Variants in FNDC1 observed in about 807,000 individuals in gnomAD.
The protein encoded by FNDC1 is fibronectin type III domain containing 1.
FNDC1 carries 96 observed loss-of-function variants against 168.0 expected under a neutral mutation model. The ratio of observed to expected loss-of-function variants is 0.57; its 90% CI spans 0.48 to 0.68. The LOEUF (loss-of-function observed/expected upper bound fraction) is 0.68, where lower values mean the gene tolerates loss of function less well. FNDC1 is among the 30% of genes least tolerant of loss of function. FNDC1 has a pLI of 0.00. For synonymous variants in FNDC1, 1,099 were observed against 1,025.9 expected (o/e 1.07, Z -1.36); for missense variants, 2,587 against 2,482.1 (o/e 1.04, Z -0.90).
chr6:159,265,088 A>T, intron 20 of FNDC1, 84 bp downstream of exon 20: 1 of 1,230,446 alleles, frequency 8.1e-7, no homozygotes, highest in South Asian at 1.4e-5. Context: ...ACTCACAATT[A>T]GAAAGTCTGG....
intron 15 of FNDC1, among the ~76,000 whole-genome samples, chr6:159,248,512 G>A (rs1348818555): frequency 6.6e-6 from 1 of 152,072 alleles, no homozygotes; most frequent in Admixed American, 6.6e-5. Context: ...CACCATGTTG[G>A]CCAGGATGGT....
chr6:159,174,497 G>T (rs1278278059), intron 1 of FNDC1, among the ~76,000 whole-genome samples: 1 of 152,234 alleles, frequency 6.6e-6, no homozygotes, highest in Non-Finnish European at 1.5e-5. Flanking sequence ...AGGCCCTTCC[G>T]TGCAGCCCTA....
At chr6:159,227,505 A>G (rs920637032) in intron 9 of FNDC1, among the ~76,000 whole-genome samples, 1 of 152,174 alleles carries the variant, frequency 6.6e-6, no homozygotes, top group African/African-American at 2.4e-5. Context: ...TATTCATCCA[A>G]AAGTTATGTT....
chr6:159,232,216 G>A lies in FNDC1; in HGVS notation c.1704G>A (p.Pro568=). The A allele has an allele frequency of 2.5e-6, 4 of 1,612,802 alleles. No individual in the cohort carries two copies. Among genetic ancestry groups the A allele is most frequent in the Non-Finnish European group, 3.4e-6 (4 of 1,179,402 alleles). Residue 568 remains proline (P), a synonymous_variant, in exon 11 of 23, where the codon CCG becomes CCA. Coordinates refer to ENST00000297267, the MANE Select transcript of FNDC1 (RefSeq NM_032532.3). The surrounding 1 kb of genome is among the most constrained non-coding windows in gnomAD (Gnocchi z 4.9). ...AAGACCAGAAACGGACCCTGAGGCC[G>A]CCAAGTAGACACGGCCACTCGGTGG... The part of the protein sequence containing the change: ...DTQDQKRTLR[P]PSRHGHSVVA...
At chr6:159,212,923 T>C (rs1235408852) in intron 4 of FNDC1, among the ~76,000 whole-genome samples, 9 of 152,184 alleles carry the variant, frequency 5.9e-5, no homozygotes, top group African/African-American at 2.2e-4. Context: ...ATGGCTGAAC[T>C]CTGCCTGGCC....
At position 159,234,192 on chromosome 6, in the gene FNDC1, C is replaced by G; in HGVS notation, c.3680C>G (p.Ala1227Gly). 1 of 1,598,956 alleles carries G rather than the reference C, an allele frequency of 6.3e-7. No homozygotes were observed. Residue 1227 changes from alanine to glycine, a missense_variant, in exon 11 of 23, where the codon GCC becomes GGC. Transcript: ENST00000297267. ...GSLAKEEREP[A>G]IALAPRGGSL... ...CTCGCCAAGGAAGAGAGGGAGCCTG[C>G]CATCGCGCTTGCCCCTCGCGGAGGG...
intron 5 of FNDC1, among the ~76,000 whole-genome samples, chr6:159,220,369 G>C (rs1228688955): frequency 6.6e-6 from 1 of 152,176 alleles, no homozygotes; most frequent in Admixed American, 6.5e-5. Context: ...TGTCACTTCC[G>C]TTAACTTACT....
intron 9 of FNDC1, among the ~76,000 whole-genome samples, chr6:159,229,223 T>C (rs150087494): frequency 8.5e-4 from 130 of 152,342 alleles, no homozygotes; most frequent in African/African-American, 2.9e-3. Flanking sequence ...ATCACATAAA[T>C]CTATTACTTA....
chr6:159,223,436 C>A, intron 6 of FNDC1, 92 bp from the exon 7 acceptor site: 1 of 651,652 alleles, frequency 1.5e-6, no homozygotes, highest in South Asian at 2.3e-5. Flanking sequence ...AAAACTTATG[C>A]AGGGTGAATA....
At chr6:159,242,479 C>T (rs1165557713) in intron 14 of FNDC1, among the ~76,000 whole-genome samples, 1 of 151,776 alleles carries the variant, frequency 6.6e-6, no homozygotes. Flanking sequence ...CACCTGTACC[C>T]CAGAACTTAA....
rs750817263 is a variant in FNDC1 at position 159,233,918 on chromosome 6, G to T, written c.3406G>T (p.Ala1136Ser). The T allele has an allele frequency of 3.2e-6, 5 of 1,548,724 alleles. No homozygotes were observed. Among genetic ancestry groups the T allele is most frequent in the Non-Finnish European group, 4.4e-6 (5 of 1,146,064 alleles). ...CCAGCGCGGACATGCGGCCTCCCCC[G>T]CCAGGCCCAGCCGACCCGGCGGCCC... Reference protein sequence around the residue: ...RSQRGHAASPARPSRPGGPQS... With the variant: ...RSQRGHAASPSRPSRPGGPQS... Residue 1136 changes from alanine (A) to serine (S), a missense_variant, in exon 11 of 23, where the codon GCC (alanine) becomes TCC (serine). Physicochemically the swap from Ala to Ser is moderately conservative, Grantham distance 99. Transcript: ENST00000297267. The surrounding 1 kb of genome is among the most constrained non-coding windows in gnomAD (Gnocchi z 4.6).
intron 1 of FNDC1, among the ~76,000 whole-genome samples, chr6:159,173,348 G>T (rs1442868724): frequency 2.0e-5 from 3 of 152,192 alleles, no homozygotes; most frequent in Non-Finnish European, 4.4e-5. Context: ...GCTCGCCTGT[G>T]GCTCAACCTG....
In FNDC1 at chr6:159,233,753, G is replaced by C. The variant is rs902758079; in HGVS notation, c.3241G>C (p.Asp1081His). The change falls in exon 11 of 23, where the codon GAC (aspartate) becomes CAC (histidine). Residue 1081 changes from aspartate (D) to histidine (H), a missense_variant. Coordinates refer to ENST00000297267, the MANE Select transcript of FNDC1 (RefSeq NM_032532.3). The surrounding 1 kb of genome is among the most constrained non-coding windows in gnomAD (Gnocchi z 4.6). ...QDEDAQGSYD[D>H]DSTEVEAQDV... ...CGAGGATGCCCAGGGCAGCTACGAC[G>C]ACGACAGCACAGAAGTCGAGGCCCA... 4 of 1,548,432 alleles carry C rather than the reference G, an allele frequency of 2.6e-6. No individual in the cohort carries two copies. In the East Asian group the frequency reaches 9.8e-5, roughly 38 times the overall value.
intron 17 of FNDC1, among the ~76,000 whole-genome samples, chr6:159,255,457 G>A (rs1312603629): frequency 6.6e-6 from 1 of 152,178 alleles, no homozygotes; most frequent in African/African-American, 2.4e-5. Flanking sequence ...TCGTGGACTG[G>A]TCCTGCAGAG....
At chr6:159,170,021 G>A (rs1399576869) in intron 1 of FNDC1, 4 of 162,742 alleles carry the variant, frequency 2.5e-5, no homozygotes, top group African/African-American at 9.6e-5. Flanking sequence ...CTTTCAGCGT[G>A]CGGACTGGGG....
chr6:159,221,526 C>A, intron 5 of FNDC1, 72 bp from the exon 6 acceptor site: 1 of 1,229,882 alleles, frequency 8.1e-7, no homozygotes, highest in Non-Finnish European at 1.2e-6. Context: ...AGAACCCCCG[C>A]TCCAGCCCCA....
At chr6:159,234,585 C>A in intron 11 of FNDC1, 106 bp downstream of exon 11, 2 of 1,047,474 alleles carry the variant, frequency 1.9e-6, no homozygotes, top group Non-Finnish European at 2.8e-6. Flanking sequence ...TATGTCCACG[C>A]ACCGTGTTAA....
chr6:159,266,493 G>T (rs431829), intron 21 of FNDC1, among the ~76,000 whole-genome samples: 1 of 151,924 alleles, frequency 6.6e-6, no homozygotes, highest in Non-Finnish European at 1.5e-5. Flanking sequence ...ACCTGTAATC[G>T]CAGCACTTTG....
chr6:159,263,056 G>A (rs1278206151), intron 19 of FNDC1, among the ~76,000 whole-genome samples: 1 of 152,242 alleles, frequency 6.6e-6, no homozygotes, highest in African/African-American at 2.4e-5. Flanking sequence ...TCAACGTAGT[G>A]TGTGACACAG....
Sources: allele counts gnomAD v4.1 joint callset (sites outside exome capture counted in the v4.1 genomes callset), GRCh38; gene constraint gnomAD v4.1.1; non-coding constraint Gnocchi (gnomAD v3.1); transcripts MANE v1.5; gene names NCBI Gene and HGNC (gene_info 2026-07-23, HGNC 2026-07-21).